NWD1: variants seen among roughly 807,000 people sequenced by gnomAD.
NWD1 encodes the protein NACHT and WD repeat domain containing 1.
Under a neutral mutation model 135.1 loss-of-function variants are expected in NWD1, and 129 were observed. That is an observed-to-expected ratio of 0.96 (90% CI 0.83 to 1.11). NWD1 has a LOEUF of 1.11. Among genes scored for constraint, NWD1 ranks in the 50% least tolerant of loss-of-function variants. The pLI is 0.00. For synonymous variants in NWD1, 773 were observed against 786.0 expected, an observed-to-expected ratio of 0.98 and a Z score of 0.28; for missense variants, 1,740 against 1,851.3, an observed-to-expected ratio of 0.94 and a Z score of 1.10.
intron 18 of NWD1, among the ~76,000 whole-genome samples, chr19:16,810,159 T>C (rs1348737772): frequency 2.0e-5 from 3 of 152,094 alleles, no homozygotes; most frequent in Non-Finnish European, 4.4e-5. Flanking sequence ...CATGTAAGGC[T>C]GGGCACCATG....
rs921387395 is a variant in NWD1, at chr19:16,816,452, G to A, written c.*1413G>A. ...TATAGTTCATCCCTCTCTATTCCTT[G>A]GCTCCCAAACTTTTGGGATAAAGAT... On this transcript the variant is annotated 3_prime_UTR_variant, in exon 19 of 19. Coordinates refer to ENST00000524140, the MANE Select transcript of NWD1 (RefSeq NM_001007525.5). 11 of 152,132 alleles carry A rather than the reference G, an allele frequency of 7.2e-5. No individual in the cohort carries two copies. Among genetic ancestry groups the A allele is most frequent in the Non-Finnish European group, 1.6e-4 (11 of 68,034 alleles). 9.4% of individuals were successfully genotyped at this position (152,132 alleles called of 1,614,324 possible). A position where few individuals can be genotyped will look rare whatever the true frequency, so the allele number is the denominator to read the frequency against.
chr19:16,726,714 T>G (rs1753655421), intron 2 of NWD1, among the ~76,000 whole-genome samples: 1 of 152,124 alleles, frequency 6.6e-6, no homozygotes, highest in African/African-American at 2.4e-5. Flanking sequence ...GCTGGGATTA[T>G]AGGTGTGAGC....
chr19:16,756,088 A>C (rs751446071), intron 6 of NWD1, among the ~76,000 whole-genome samples: 3 of 152,120 alleles, frequency 2.0e-5, no homozygotes, highest in Non-Finnish European at 4.4e-5. Flanking sequence ...AAATGATAGT[A>C]AGAAAATCAT....
chr19:16,796,376 T>C (rs1350200866), intron 15 of NWD1, among the ~76,000 whole-genome samples: 4 of 151,984 alleles, frequency 2.6e-5, no homozygotes, highest in African/African-American at 9.7e-5. Flanking sequence ...GTGGGAGAAT[T>C]GCTTAAACCC....
At chr19:16,749,051 C>A (rs2122798306) in intron 5 of NWD1, 88 bp from the exon 6 acceptor site, 2 of 1,024,114 alleles carry the variant, frequency 2.0e-6, no homozygotes, top group African/African-American at 3.2e-5. Flanking sequence ...GCACATCCCC[C>A]AACAACAGGT....
intron 11 of NWD1, among the ~76,000 whole-genome samples, chr19:16,778,494 C>CTTTTTTTTTT (rs11307621): frequency 1.0e-4 from 11 of 107,550 alleles, no homozygotes; most frequent in African/African-American, 1.4e-4. Flanking sequence ...TCTTCTTCTT[C>CTTTTTTTTTT]TTTTTTTTTT....
At chr19:16,727,480 T>A (rs1967373754) in intron 2 of NWD1, 1 of 152,644 alleles carries the variant, frequency 6.6e-6, no homozygotes, top group African/African-American at 2.4e-5. Flanking sequence ...CCAGGAAGGC[T>A]GCCTGGCTGC....
At position 16,779,431 on chromosome 19, in the gene NWD1, G is replaced by C. The variant is rs372313482; in HGVS notation, c.2697G>C (p.Glu899Asp). Residue 899 changes from glutamate (E) to aspartate (D), a missense_variant, in exon 12 of 19, where the codon GAG becomes GAC. Transcript: ENST00000524140. ...DGIMAVWDME[E>D]QHVIHMLTGH... ...TCATGGCTGTGTGGGACATGGAAGAGCAGCATGTGATCCACATGCTAACTG... is the reference window on the plus strand; with the variant it reads ...TCATGGCTGTGTGGGACATGGAAGACCAGCATGTGATCCACATGCTAACTG... The C allele has an allele frequency of 6.2e-6, 10 of 1,613,422 alleles. No homozygotes were observed. Among genetic ancestry groups the C allele is most frequent in the Non-Finnish European group, 8.5e-6 (10 of 1,179,836 alleles).
At chr19:16,759,635 G>T (rs1039300444) in intron 7 of NWD1, among the ~76,000 whole-genome samples, 1 of 152,164 alleles carries the variant, frequency 6.6e-6, no homozygotes, top group African/African-American at 2.4e-5. Context: ...CCAGCACTTT[G>T]TGGGGCCAGG....
chr19:16,772,507 C>G (rs796480), intron 10 of NWD1, among the ~76,000 whole-genome samples: 27,635 of 152,054 alleles, frequency 0.18, 5,905 homozygotes, highest in African/African-American at 0.52. Context: ...TTAGTTGGGC[C>G]TGGTGGCGGG....
rs1372030009 is a variant in NWD1, at chr19:16,737,282, T to C, written c.198+532T>C. On this transcript the variant is annotated intron_variant, in intron 4 of 18. Transcript: ENST00000524140. ...CCTGAGTCTTTTTTCTTTTTCTTTT[T>C]TGAGACAGAGTCTCAAAAAAGCCCA... 1.3e-5 allele frequency among the ~76,000 whole-genome samples: 2 copies of C among 152,096 alleles called. 1 individual carries two copies. The highest frequency in any genetic ancestry group is 1.3e-4 in the Admixed American group (2 of 15,250).
At chr19:16,734,534 CAA>C (rs35642054) in intron 3 of NWD1, among the ~76,000 whole-genome samples, 49 of 123,698 alleles carry the variant, frequency 4.0e-4, no homozygotes, top group East Asian at 4.9e-4. Context: ...GACTCCATCT[CAA>C]AAAAAAAAAA....
rs1971031330 is a variant in NWD1 at position 16,815,142 on chromosome 19, GC to G, written c.*105del. 8.1e-7 allele frequency: 1 copy of G among 1,227,436 alleles called. No individual in the cohort carries two copies. The highest frequency in any genetic ancestry group is 1.2e-6 in the Non-Finnish European group (1 of 826,776). The allele number at this position is 1,227,436 out of a possible 1,614,324, so 76.0% of individuals were successfully genotyped here. A position where few individuals can be genotyped will look rare whatever the true frequency, so the allele number is the denominator to read the frequency against. On this transcript the variant is annotated 3_prime_UTR_variant, in exon 19 of 19. Transcript: ENST00000524140. ...TATCTGATCCGAGAGAATTTCCAGT[GC>G]CTTTCAGCAAAAGCCTCACCGCAGG...
intron 11 of NWD1, among the ~76,000 whole-genome samples, chr19:16,776,845 G>A (rs1443574224): frequency 6.9e-6 from 1 of 145,246 alleles, no homozygotes; most frequent in East Asian, 2.1e-4. Flanking sequence ...AGGAGGCTAA[G>A]ATGGGAGAAT....
At chr19:16,798,344 T>C (rs1227146461) in intron 16 of NWD1, among the ~76,000 whole-genome samples, 3 of 152,190 alleles carry the variant, frequency 2.0e-5, no homozygotes, top group Non-Finnish European at 4.4e-5. Context: ...GCACAGTGGC[T>C]CATGCCTGTA....
intron 7 of NWD1, among the ~76,000 whole-genome samples, chr19:16,761,766 T>C (rs1216220308): frequency 6.6e-6 from 1 of 151,988 alleles, no homozygotes; most frequent in Non-Finnish European, 1.5e-5. Flanking sequence ...CAAATGTTCC[T>C]CTTTGAAATG....
intron 12 of NWD1, among the ~76,000 whole-genome samples, chr19:16,782,675 T>C (rs1329682567): frequency 6.6e-6 from 1 of 152,104 alleles, no homozygotes; most frequent in African/African-American, 2.4e-5. Context: ...GTTTTGCATC[T>C]ATAGATTCAA....
chr19:16,741,906 T>A lies in NWD1; in HGVS notation c.199-2515T>A, dbSNP rs931528075. Among the ~76,000 whole-genome samples, 5 of 151,072 alleles carry A rather than the reference T, an allele frequency of 3.3e-5. No individual in the cohort carries two copies. The East Asian group carries it at 9.8e-4, about 30-fold the overall frequency. On this transcript the variant is annotated intron_variant, in intron 4 of 18. Coordinates refer to ENST00000524140, the MANE Select transcript of NWD1 (RefSeq NM_001007525.5). ...TGGGCAGATTATTTGAGGTCAGGAGTTTGAGACCAGTCTGGCCAACATGGT... is the reference window on the plus strand; with the variant it reads ...TGGGCAGATTATTTGAGGTCAGGAGATTGAGACCAGTCTGGCCAACATGGT...
At chr19:16,804,187 T>C (rs1485659447) in intron 17 of NWD1, among the ~76,000 whole-genome samples, 1 of 152,108 alleles carries the variant, frequency 6.6e-6, no homozygotes, top group African/African-American at 2.4e-5. Flanking sequence ...AAAGTCCCTC[T>C]CAGCATCATT....
Sources: allele counts gnomAD v4.1 joint callset (sites outside exome capture counted in the v4.1 genomes callset), GRCh38; gene constraint gnomAD v4.1.1; transcripts MANE v1.5; gene names NCBI Gene and HGNC (gene_info 2026-07-23, HGNC 2026-07-21).